Variants in CACNA2D4 observed in about 807,000 individuals in gnomAD.
CACNA2D4 encodes the protein voltage-dependent calcium channel subunit alpha-2/delta-4.
In CACNA2D4, 157 loss-of-function variants were observed where a neutral mutation model predicts 163.8. The observed-to-expected ratio is 0.96, with a 90% confidence interval of 0.84 to 1.09. The LOEUF is 1.09. Ranked by LOEUF, CACNA2D4 falls within the 50% of genes least tolerant of loss-of-function variation. The pLI, the probability that CACNA2D4 is intolerant of heterozygous loss-of-function variation, is 0.00. For synonymous variants in CACNA2D4, 598 were observed against 586.9 expected (o/e 1.02, Z -0.27); for missense variants, 1,410 against 1,479.9 (o/e 0.95, Z 0.78).
At position 1,878,415 on chromosome 12, in the gene CACNA2D4, A is replaced by G. The variant is rs1370654174; in HGVS notation, c.1645-26T>C. The G allele has an allele frequency of 2.3e-5, 37 of 1,579,504 alleles. No individual in the cohort carries two copies. The highest frequency in any genetic ancestry group is 2.9e-5 in the Non-Finnish European group (34 of 1,162,652). On this transcript the variant is annotated intron_variant, in intron 15 of 37. Transcript: ENST00000382722. This position sits in a 1 kb window ranked among gnomAD's most constrained non-coding sequence, Gnocchi z 4.6. ...CTGCCAGAGTCCAGGGTGGAGGCGC[A>G]TTAGGCCTGCTGTTTGTGCTGGGCA...
In CACNA2D4 at chr12:1,884,274, G is replaced by C; in HGVS notation, c.1320C>G (p.Asp440Glu). 8.1e-6 allele frequency: 13 copies of C among 1,612,570 alleles called. No homozygotes were observed. Among genetic ancestry groups the C allele is most frequent in the Non-Finnish European group, 1.1e-5 (13 of 1,179,492 alleles). ...YLIGREVSFADRMKWIACNNK... is the reference protein window; with the variant it reads ...YLIGREVSFAERMKWIACNNK... ...TGTTGCATGCAATCCACTTCATGCG[G>C]TCAGCAAAAGACACTTCTCTCCCAA... Residue 440 changes from aspartate to glutamate, a missense_variant, in exon 12 of 38, where the codon GAC (aspartate) becomes GAG (glutamate). Physicochemically the swap from Asp to Glu is conservative, Grantham distance 45. Transcript: ENST00000382722.
rs1865347766 is a variant in CACNA2D4, at chr12:1,854,041, T to C, written c.2156A>G (p.Asp719Gly). 1.2e-6 allele frequency: 2 copies of C among 1,607,908 alleles called. No homozygotes were observed. The highest frequency in any genetic ancestry group is 3.4e-5 in the Admixed American group (2 of 59,468). ...LTRKDPDLEC[D>G]EELVREVLFD... ...CAGCACCTCCCGGACCAGCTCCTCG[T>C]CACCTGGGTGCAAAACATCAGGGAA... Residue 719 changes from aspartate (D) to glycine (G), a missense_variant, in exon 23 of 38, where the codon GAC becomes GGC. Physicochemically the swap from Asp to Gly is moderately conservative, Grantham distance 94. Transcript: ENST00000382722.
chr12:1,890,814 C>T (rs1409247625), intron 6 of CACNA2D4, among the ~76,000 whole-genome samples: 1 of 152,184 alleles, frequency 6.6e-6, no homozygotes, highest in Non-Finnish European at 1.5e-5. Context: ...GCCCAGCCCA[C>T]TCTACCATCG....
intron 23 of CACNA2D4, among the ~76,000 whole-genome samples, chr12:1,852,160 T>A (rs1187622304): frequency 6.6e-6 from 1 of 152,200 alleles, no homozygotes; most frequent in Non-Finnish European, 1.5e-5. Context: ...TATAATTATG[T>A]CATCTTTAAA....
chr12:1,839,898 C>T (rs1003485000), intron 26 of CACNA2D4, among the ~76,000 whole-genome samples: 17 of 152,338 alleles, frequency 1.1e-4, no homozygotes, highest in African/African-American at 3.4e-4. Flanking sequence ...TTATGGCATC[C>T]GATCCCCGCT....
At position 1,883,565 on chromosome 12, in the gene CACNA2D4, G is replaced by A. The variant is rs1011864273; in HGVS notation, c.1352-565C>T. On this transcript the variant is annotated intron_variant, in intron 12 of 37. Coordinates refer to ENST00000382722, the MANE Select transcript of CACNA2D4 (RefSeq NM_172364.5). This position sits in a 1 kb window ranked among gnomAD's most constrained non-coding sequence, Gnocchi z 4.5. Reference sequence around the variant, plus strand: ...CCTCTCCACGCCCCCACCTCCCACCGTGTTCATCCCCCTCGCCAGTGAGAT... The same window carrying A: ...CCTCTCCACGCCCCCACCTCCCACCATGTTCATCCCCCTCGCCAGTGAGAT... Among the ~76,000 whole-genome samples the A allele has an allele frequency of 1.3e-5, 2 of 152,004 alleles. No individual in the cohort carries two copies. Among genetic ancestry groups the A allele is most frequent in the Admixed American group, 6.5e-5 (1 of 15,268 alleles).
intron 20 of CACNA2D4, 49 bp from the exon 21 acceptor site, chr12:1,856,278 GGT>G (rs1865398987): frequency 1.3e-6 from 2 of 1,599,934 alleles, no homozygotes; most frequent in Non-Finnish European, 1.7e-6. Flanking sequence ...CTGCCATGAG[GGT>G]GTGTGTCTCA....
chr12:1,805,295 T>G (rs576461040), intron 29 of CACNA2D4, among the ~76,000 whole-genome samples: 1 of 152,030 alleles, frequency 6.6e-6, no homozygotes, highest in Non-Finnish European at 1.5e-5. Context: ...GACCAAGTGA[T>G]GAGAGGTTGG....
At chr12:1,814,378 G>C (rs981006655) in intron 26 of CACNA2D4, among the ~76,000 whole-genome samples, 1 of 152,090 alleles carries the variant, frequency 6.6e-6, no homozygotes, top group African/African-American at 2.4e-5. Context: ...GTCTTGCCCC[G>C]GGTGTCCTTT....
Position 1,893,188 on chromosome 12 carries a change from T to C in CACNA2D4, c.782-6119A>G, listed in dbSNP as rs557866511. 5.3e-5 allele frequency among the ~76,000 whole-genome samples: 8 copies of C among 152,316 alleles called. No individual in the cohort carries two copies. In the South Asian group the frequency reaches 1.0e-3, roughly 20 times the overall value. On this transcript the variant is annotated intron_variant, in intron 6 of 37. Coordinates refer to ENST00000382722, the MANE Select transcript of CACNA2D4 (RefSeq NM_172364.5). ...TTATCTGACAGCCACAGAATGCACA[T>C]TATTCTCACCAGCACATGAAACATT...
intron 26 of CACNA2D4, chr12:1,835,621 GGCCAAAGTGGT>G (rs1433990444): frequency 6.6e-6 from 1 of 152,602 alleles, no homozygotes; most frequent in African/African-American, 2.4e-5. Flanking sequence ...CTCTAAAGTG[GGCCAAAGTGGT>G]GCCCCTGGAG....
rs540005300 is a variant in CACNA2D4 at position 1,802,857 on chromosome 12, T to C, written c.2722-1213A>G. Among the ~76,000 whole-genome samples the C allele has an allele frequency of 4.9e-4, 75 of 152,346 alleles. No homozygotes were observed. The highest frequency in any genetic ancestry group is 1.7e-3 in the African/African-American group (72 of 41,586). ...CCTTCCTCTGCACACCGGCAGCCTG[T>C]GGAGTCCTAGTCTCACTCTGCCTGA... On this transcript the variant is annotated intron_variant, in intron 29 of 37. Coordinates refer to ENST00000382722, the MANE Select transcript of CACNA2D4 (RefSeq NM_172364.5). This position sits in a 1 kb window ranked among gnomAD's most constrained non-coding sequence, Gnocchi z 4.7.
At chr12:1,901,307 C>G (rs1488042826) in intron 6 of CACNA2D4, among the ~76,000 whole-genome samples, 1 of 150,940 alleles carries the variant, frequency 6.6e-6, no homozygotes, top group Non-Finnish European at 1.5e-5. Context: ...CAAAAGCAAA[C>G]CAAACCAAAA....
Position 1,907,697 on chromosome 12 carries a change from C to T in CACNA2D4, c.650-126G>A, listed in dbSNP as rs1358785203. ...CTGGTAAGCGTGCCTGGTGGGTGTG[C>T]CTGGTGGGCGTGTCTGGTGGACGGC... is the stretch of plus-strand genomic sequence containing the variant. On this transcript the variant is annotated intron_variant, in intron 5 of 37. Coordinates refer to ENST00000382722, the MANE Select transcript of CACNA2D4 (RefSeq NM_172364.5). 1.2e-4 allele frequency: 140 copies of T among 1,183,406 alleles called. 2 individuals are homozygous for T. Among genetic ancestry groups the T allele is most frequent in the Middle Eastern group, 2.0e-4 (1 of 4,904 alleles). 73.3% of individuals were successfully genotyped at this position (1,183,406 alleles called of 1,614,324 possible). A position where few individuals can be genotyped will look rare whatever the true frequency, so the allele number is the denominator to read the frequency against.
chr12:1,830,135 G>A (rs1864555745), intron 26 of CACNA2D4, among the ~76,000 whole-genome samples: 1 of 152,258 alleles, frequency 6.6e-6, no homozygotes, highest in African/African-American at 2.4e-5. Flanking sequence ...AGGAACAGAA[G>A]CCCAGGCTGA....
chr12:1,856,095 G>T lies in CACNA2D4; in HGVS notation c.2069C>A (p.Thr690Lys). 6.2e-7 allele frequency: 1 copy of T among 1,613,890 alleles called. No individual in the cohort carries two copies. Among genetic ancestry groups the T allele is most frequent in the South Asian group, 1.1e-5 (1 of 91,078 alleles). The change falls in exon 22 of 38, where the codon ACA becomes AAA. Residue 690 changes from threonine to lysine, a missense_variant. By Grantham distance (78) the Thr-to-Lys change is moderately conservative. Transcript: ENST00000382722. The stretch of plus-strand genomic sequence containing the variant: ...CTTCCGGTGGTCTGGGTCAATATCT[G>T]TGATGCAGTAGATCCTGAAACCCAG... ...ALAGDWIYCI[T>K]DIDPDHRKLS... is the part of the protein sequence containing the mutation.
Position 1,908,053 on chromosome 12 carries a change from G to T in CACNA2D4, c.487-16C>A. The T allele has an allele frequency of 6.3e-7, 1 of 1,597,566 alleles. No homozygotes were observed. The highest frequency in any genetic ancestry group is 8.6e-7 in the Non-Finnish European group (1 of 1,168,656). On this transcript the variant is annotated splice_polypyrimidine_tract_variant and intron_variant, in intron 4 of 37. Coordinates refer to ENST00000382722, the MANE Select transcript of CACNA2D4 (RefSeq NM_172364.5). ...AATAGTCGAACTGGGGTGGACGGGT[G>T]AGGCCCACGGAGGCGGCCCGAGCAC... is the stretch of plus-strand genomic sequence containing the variant.
At position 1,918,465 on chromosome 12, in the gene CACNA2D4, A is replaced by C; in HGVS notation, c.9T>G (p.Cys3Trp). MV[C>W]GCSALLPLPN... Reference sequence around the variant, plus strand: ...GGAGGGGAAGGAGGGCAGAGCAGCCACAGACCATGAGCTCTGTCTGCCTTC... The same window carrying C: ...GGAGGGGAAGGAGGGCAGAGCAGCCCCAGACCATGAGCTCTGTCTGCCTTC... The change falls in exon 1 of 38, where the codon TGT (cysteine) becomes TGG (tryptophan). Residue 3 changes from cysteine to tryptophan, a missense_variant. Coordinates refer to ENST00000382722, the MANE Select transcript of CACNA2D4 (RefSeq NM_172364.5). 1 of 1,562,588 alleles carries C rather than the reference A, an allele frequency of 6.4e-7. No individual in the cohort carries two copies. The highest frequency in any genetic ancestry group is 1.2e-5 in the South Asian group (1 of 84,868).
At chr12:1,863,188 C>T (rs1209419831) in intron 18 of CACNA2D4, among the ~76,000 whole-genome samples, 1 of 152,192 alleles carries the variant, frequency 6.6e-6, no homozygotes, top group African/African-American at 2.4e-5. Flanking sequence ...AAAAGATTGC[C>T]TTGCTCCAAT....
Sources: allele counts gnomAD v4.1 joint callset (sites outside exome capture counted in the v4.1 genomes callset), GRCh38; gene constraint gnomAD v4.1.1; non-coding constraint Gnocchi (gnomAD v3.1); transcripts MANE v1.5; gene names NCBI Gene and HGNC (gene_info 2026-07-23, HGNC 2026-07-21).